DLGAP2: variants seen among roughly 807,000 people sequenced by gnomAD.
DLGAP2 encodes the protein DLG associated protein 2.
Under a neutral mutation model 100.3 loss-of-function variants are expected in DLGAP2, and 26 were observed. The ratio of observed to expected loss-of-function variants is 0.26; its 90% CI spans 0.19 to 0.36. The LOEUF is 0.36. DLGAP2 is among the 10% of genes least tolerant of loss of function. The pLI, the probability that DLGAP2 is intolerant of heterozygous loss-of-function variation, is 1.00. For missense variants in DLGAP2, 1,858 were observed against 1,453.2 expected (o/e 1.28, Z -4.53); for synonymous variants, 886 against 630.1 (o/e 1.41, Z -6.08).
intron 3 of DLGAP2, among the ~76,000 whole-genome samples, chr8:1,462,504 C>T: frequency 5.6e-5 from 2 of 35,864 alleles, no homozygotes; most frequent in East Asian, 4.7e-3. Context: ...GCTGCTGTCA[C>T]GTGGGCTGGG....
In DLGAP2 at chr8:1,344,108, C is replaced by T. The variant is rs866860749; in HGVS notation, c.106+85225C>T. On this transcript the variant is annotated intron_variant, in intron 3 of 14. Transcript: ENST00000637795. ...CGTACTCGGGGCCCTGTCGTGGGTC[C>T]ATGTATTCGGGGCCCTGTCGTGGGT... 3.5e-3 allele frequency among the ~76,000 whole-genome samples: 497 copies of T among 143,268 alleles called. 9 individuals are homozygous for T. Among genetic ancestry groups the T allele is most frequent in the African/African-American group, 0.014 (470 of 33,290 alleles). The allele number at this position is 143,268 out of a possible 152,430, so 94.0% of individuals were successfully genotyped here. A position where few individuals can be genotyped will look rare whatever the true frequency, so the allele number is the denominator to read the frequency against.
chr8:1,036,596 G>A lies in DLGAP2; in HGVS notation c.73+128630G>A, dbSNP rs528315291. On this transcript the variant is annotated intron_variant, in intron 2 of 14. Transcript: ENST00000637795. ...CTGGAATGGGCCTCATGGGGCCTGG[G>A]GGTTATAAGGGGAGGCCTGGCAGGC... 1.9e-3 allele frequency among the ~76,000 whole-genome samples: 292 copies of A among 152,268 alleles called. 2 individuals are homozygous for A. The highest frequency in any genetic ancestry group is 6.5e-3 in the African/African-American group (269 of 41,554).
chr8:1,072,257 C>T (rs1381665176), intron 2 of DLGAP2, among the ~76,000 whole-genome samples: 5 of 152,178 alleles, frequency 3.3e-5, no homozygotes, highest in African/African-American at 9.7e-5. Context: ...AGGGCACTCT[C>T]TCCAGCTTTC....
At chr8:1,433,144 C>A (rs1393081253) in intron 3 of DLGAP2, among the ~76,000 whole-genome samples, 1 of 152,212 alleles carries the variant, frequency 6.6e-6, no homozygotes, top group Non-Finnish European at 1.5e-5. Context: ...AGGAAGCCCC[C>A]GCCATGAGCC....
rs567451595 is a variant in DLGAP2, at chr8:1,647,488, C to CAAA, written c.1810+14478_1810+14480dup. Among the ~76,000 whole-genome samples, 10 of 44,978 alleles carry CAAA rather than the reference C, an allele frequency of 2.2e-4. 2 individuals are homozygous for CAAA. The highest frequency in any genetic ancestry group is 5.6e-4 in the Admixed American group (2 of 3,600). The allele number at this position is 44,978 out of a possible 152,430, so 29.5% of individuals were successfully genotyped here. A position where few individuals can be genotyped will look rare whatever the true frequency, so the allele number is the denominator to read the frequency against. On this transcript the variant is annotated intron_variant, in intron 8 of 14. Coordinates refer to ENST00000637795, the MANE Select transcript of DLGAP2 (RefSeq NM_001346810.2). ...TGGGAGACAGAGAGAGACTCTGTCT[C>CAAA]AAAAAAAAAAAAAAAAAAAAAAAAA...
chr8:1,654,481 G>C (rs1426505084), intron 8 of DLGAP2, among the ~76,000 whole-genome samples: 1 of 151,832 alleles, frequency 6.6e-6, no homozygotes, highest in South Asian at 2.1e-4. Flanking sequence ...GGCCAACATG[G>C]TGAAACCCCA....
intron 1 of DLGAP2, among the ~76,000 whole-genome samples, chr8:752,883 C>T (rs1464876548): frequency 1.3e-5 from 2 of 152,172 alleles, no homozygotes; most frequent in African/African-American, 4.8e-5. Flanking sequence ...CTGGGGTCCT[C>T]AGAGCAGCCT....
chr8:1,591,173 C>CT (rs1277169865), intron 6 of DLGAP2, among the ~76,000 whole-genome samples: 3 of 152,192 alleles, frequency 2.0e-5, no homozygotes, highest in Non-Finnish European at 4.4e-5. Context: ...GTCTTTTAAC[C>CT]TTCAGTCTGT....
At chr8:1,124,284 G>C (rs1364877689) in intron 2 of DLGAP2, among the ~76,000 whole-genome samples, 2 of 152,196 alleles carry the variant, frequency 1.3e-5, no homozygotes, top group Non-Finnish European at 2.9e-5. Context: ...GAAGAGCCTG[G>C]AAGCGGCTCC....
At chr8:1,455,758 C>T (rs561628937) in intron 3 of DLGAP2, among the ~76,000 whole-genome samples, 4 of 152,316 alleles carry the variant, frequency 2.6e-5, no homozygotes, top group African/African-American at 9.6e-5. Context: ...TCCTGACCCT[C>T]ACCCCAGCTG....
At chr8:1,609,928 C>T (rs2130728925) in intron 6 of DLGAP2, among the ~76,000 whole-genome samples, 1 of 150,678 alleles carries the variant, frequency 6.6e-6, no homozygotes, top group African/African-American at 2.4e-5. Flanking sequence ...GACTCCCACA[C>T]ATTAATAATG....
intron 2 of DLGAP2, among the ~76,000 whole-genome samples, chr8:1,086,741 A>G (rs902857954): frequency 3.9e-5 from 6 of 152,220 alleles, no homozygotes; most frequent in African/African-American, 1.4e-4. Context: ...CCAACAATGG[A>G]GCACCTAAAT....
intron 8 of DLGAP2, among the ~76,000 whole-genome samples, chr8:1,638,350 A>T (rs1240117890): frequency 6.6e-6 from 1 of 152,132 alleles, no homozygotes; most frequent in African/African-American, 2.4e-5. Flanking sequence ...ACATGCAGGA[A>T]GGGACCAGCT....
chr8:1,548,751 G>C lies in DLGAP2; in HGVS notation c.298G>C (p.Gly100Arg), dbSNP rs1801640247. 2 of 1,604,058 alleles carry C rather than the reference G, an allele frequency of 1.2e-6. No individual in the cohort carries two copies. The highest frequency in any genetic ancestry group is 1.7e-6 in the Non-Finnish European group (2 of 1,177,200). ...QPPLCSGHTC[G>R]LAPPEDCEHL... ...GCCGCTGTGTTCCGGGCACACGTGT[G>C]GTCTGGCGCCCCCGGAGGACTGCGA... The change falls in exon 5 of 15, where the codon GGT becomes CGT. Residue 100 changes from glycine to arginine, a missense_variant. By Grantham distance (125) the Gly-to-Arg change is moderately radical (BLOSUM62 -2). Coordinates refer to ENST00000637795, the MANE Select transcript of DLGAP2 (RefSeq NM_001346810.2).
chr8:1,301,626 A>T (rs11783349), intron 3 of DLGAP2: 1 of 152,026 alleles, frequency 6.6e-6, no homozygotes, highest in Non-Finnish European at 1.5e-5. Flanking sequence ...GGGAGAGGGT[A>T]GAGGATAAGG....
chr8:1,113,690 T>G (rs1284130429), intron 2 of DLGAP2, among the ~76,000 whole-genome samples: 1 of 152,060 alleles, frequency 6.6e-6, no homozygotes, highest in Non-Finnish European at 1.5e-5. Flanking sequence ...GCCCTTTATT[T>G]TTTCTATTGC....
chr8:952,226 C>T (rs1799498706), intron 2 of DLGAP2, among the ~76,000 whole-genome samples: 1 of 152,214 alleles, frequency 6.6e-6, no homozygotes, highest in Non-Finnish European at 1.5e-5. Flanking sequence ...CCATATTTCC[C>T]AGTACATCCT....
intron 3 of DLGAP2, among the ~76,000 whole-genome samples, chr8:1,310,058 C>CAAAA (rs3052029): frequency 3.8e-5 from 4 of 105,688 alleles, no homozygotes; most frequent in African/African-American, 9.4e-5. Context: ...GTCTCCATCT[C>CAAAA]AAAAAAAAAA....
chr8:1,600,404 T>C (rs1796588894), intron 6 of DLGAP2, among the ~76,000 whole-genome samples: 1 of 152,182 alleles, frequency 6.6e-6, no homozygotes. Context: ...ATTTCCTGAA[T>C]TTGATTGTTG....
Sources: gnomAD v4.1 joint callset for allele counts (sites outside exome capture counted in the v4.1 genomes callset) on GRCh38, gnomAD v4.1.1 for gene constraint, MANE v1.5 for transcripts, NCBI Gene and HGNC (gene_info 2026-07-23, HGNC 2026-07-21) for gene names.